Variants in RCBTB2 observed in about 807,000 individuals in gnomAD.
RCBTB2 encodes RCC1 and BTB domain containing protein 2, also known as RCC1 and BTB domain-containing protein 2.
RCBTB2 carries 55 observed loss-of-function variants against 65.4 expected under a neutral mutation model. The observed-to-expected ratio is 0.84, with a 90% CI of 0.68 to 1.05. The LOEUF is 1.05. Among genes scored for constraint, RCBTB2 ranks in the 50% least tolerant of loss-of-function variants. RCBTB2 has a pLI of 0.00. For synonymous variants in RCBTB2, 220 were observed against 255.2 expected, an observed-to-expected ratio of 0.86 and a Z score of 1.31; for missense variants, 599 against 680.1, an observed-to-expected ratio of 0.88 and a Z score of 1.33.
intron 1 of RCBTB2, among the ~76,000 whole-genome samples, chr13:48,530,019 T>C (rs755558328): frequency 1.3e-5 from 2 of 152,104 alleles, no homozygotes; most frequent in Non-Finnish European, 2.9e-5. Flanking sequence ...GCCTCCCAAG[T>C]ATCTGAAACT....
intron 12 of RCBTB2, among the ~76,000 whole-genome samples, chr13:48,501,419 G>A (rs1448256930): frequency 1.3e-5 from 2 of 152,108 alleles, no homozygotes; most frequent in Admixed American, 6.6e-5. Flanking sequence ...AGGCAGAAAC[G>A]GTAACTGATG....
rs1354540401 is a variant in RCBTB2 at position 48,515,618 on chromosome 13, T to G, written c.166A>C (p.Asn56His). Residue 56 changes from asparagine to histidine, a missense_variant, in exon 5 of 15, where the codon AAT becomes CAT. Transcript: ENST00000344532. ...TTTACTGTAGTGTATAAAACTTCAT[T>G]GCCAGCACTGCCAAAGACACAAGCC... is the stretch of plus-strand genomic sequence containing the variant. ...RQACVFGSAG[N>H]EVLYTTVNDE... 1 of 1,611,896 alleles carries G rather than the reference T, an allele frequency of 6.2e-7. No individual in the cohort carries two copies. Among genetic ancestry groups the G allele is most frequent in the Non-Finnish European group, 8.5e-7 (1 of 1,179,422 alleles).
intron 10 of RCBTB2, among the ~76,000 whole-genome samples, chr13:48,508,575 T>G (rs1950620145): frequency 6.6e-6 from 1 of 152,162 alleles, no homozygotes; most frequent in African/African-American, 2.4e-5. Flanking sequence ...AGCTAATTTT[T>G]ATATTTTTAG....
At chr13:48,493,994 A>C (rs1949864240) in intron 14 of RCBTB2, among the ~76,000 whole-genome samples, 1 of 152,198 alleles carries the variant, frequency 6.6e-6, no homozygotes, top group Non-Finnish European at 1.5e-5. Flanking sequence ...ACTGAGGACA[A>C]TGGAGAATTG....
chr13:48,508,412 G>GTTTTTTTTTTTT (rs570095675), intron 10 of RCBTB2, among the ~76,000 whole-genome samples: 12 of 143,720 alleles, frequency 8.3e-5, no homozygotes, highest in African/African-American at 3.1e-4. Context: ...ATTCATCCAT[G>GTTTTTTTTTTTT]TTTTTTTTTT....
At chr13:48,500,368 G>T (rs911447193) in intron 12 of RCBTB2, among the ~76,000 whole-genome samples, 11 of 152,110 alleles carry the variant, frequency 7.2e-5, no homozygotes, top group Non-Finnish European at 8.8e-5. Context: ...GACCAGCCTG[G>T]CCAATATGGT....
chr13:48,505,119 CCACTAGGCTGCGTGACTAG>C lies in RCBTB2; in HGVS notation c.927-2224_927-2206del, dbSNP rs571851209. On this transcript the variant is annotated intron_variant, in intron 10 of 14. Transcript: ENST00000344532. ...AAACTGGGTTTGAATCCTCGCTCTACCACTAGGCTGCGTGACTAGCACTAGGCTGCGTGACTAGGGGAAT... is the reference window on the plus strand; with the variant it reads ...AAACTGGGTTTGAATCCTCGCTCTACCACTAGGCTGCGTGACTAGGGGAAT... 4.4e-3 allele frequency among the ~76,000 whole-genome samples: 672 copies of C among 151,550 alleles called. 7 individuals carry two copies. The East Asian group carries it at 0.045, about 10-fold the overall frequency.
chr13:48,502,724 C>G lies in RCBTB2; in HGVS notation c.1117G>C (p.Glu373Gln). ...CCCAAATGGACAGTGACCAGCTTAC[C>G]CACGGAGAGGAGGCGCCACGTGACG... is the stretch of plus-strand genomic sequence containing the variant. ...PAVTWRLLSV[E>Q]PDDHLTVAES... is the part of the protein sequence containing the mutation. Residue 373 changes from glutamate to glutamine, a missense_variant and splice_region_variant, in exon 11 of 15, where the codon GAA (glutamate) becomes CAA (glutamine). Physicochemically the swap from Glu to Gln is conservative, Grantham distance 29 (BLOSUM62 2). Coordinates refer to ENST00000344532, the MANE Select transcript of RCBTB2 (RefSeq NM_001268.4). 1 of 1,608,206 alleles carries G rather than the reference C, an allele frequency of 6.2e-7. No homozygotes were observed. The highest frequency in any genetic ancestry group is 8.5e-7 in the Non-Finnish European group (1 of 1,176,216).
At chr13:48,517,659 A>T (rs2138581895) in intron 4 of RCBTB2, among the ~76,000 whole-genome samples, 1 of 152,284 alleles carries the variant, frequency 6.6e-6, no homozygotes, top group Admixed American at 6.5e-5. Context: ...TCTTGTAAAT[A>T]AAGCTTTGTT....
rs755417010 is a variant in RCBTB2, at chr13:48,490,068, G to T, written c.*43C>A. 1 of 1,607,850 alleles carries T rather than the reference G, an allele frequency of 6.2e-7. No homozygotes were observed. Among genetic ancestry groups the T allele is most frequent in the Non-Finnish European group, 8.5e-7 (1 of 1,174,798 alleles). ...GAGAAGTGATTCATCTCTGGCTTTT[G>T]CAGGGGAAATGGAAAGGCTCAAAAA... On this transcript the variant is annotated 3_prime_UTR_variant, in exon 15 of 15. Coordinates refer to ENST00000344532, the MANE Select transcript of RCBTB2 (RefSeq NM_001268.4).
chr13:48,527,361 T>TATATCATATATATATATGATATA lies in RCBTB2; in HGVS notation c.-218-2605_-218-2604insTATATCATATATATATATGATAT. Among the ~76,000 whole-genome samples the TATATCATATATATATATGATATA allele has an allele frequency of 7.6e-3, 849 of 112,378 alleles. 61 individuals are homozygous for TATATCATATATATATATGATATA. The highest frequency in any genetic ancestry group is 0.044 in the African/African-American group (796 of 18,054). The allele number at this position is 112,378 out of a possible 152,430, so 73.7% of individuals were successfully genotyped here. A position where few individuals can be genotyped will look rare whatever the true frequency, so the allele number is the denominator to read the frequency against. On this transcript the variant is annotated intron_variant, in intron 1 of 14. Transcript: ENST00000344532. ...TGATATATATATATATGATATATAT[T>TATATCATATATATATATGATATA]TATATATGATATATATATATGATAT...
chr13:48,493,313 ACACTCT>A (rs1410103805), intron 14 of RCBTB2, among the ~76,000 whole-genome samples: 3 of 60,060 alleles, frequency 5.0e-5, no homozygotes, highest in African/African-American at 1.4e-4. Context: ...ACACACACAC[ACACTCT>A]CTCTCTCTCT....
chr13:48,504,221 C>T, intron 10 of RCBTB2: 2 of 985,390 alleles, frequency 2.0e-6, no homozygotes, highest in South Asian at 4.7e-5. Flanking sequence ...TCTGCCCCAA[C>T]TCACACAGTG....
intron 4 of RCBTB2, among the ~76,000 whole-genome samples, chr13:48,521,225 A>C (rs866766296): frequency 6.6e-6 from 1 of 152,246 alleles, no homozygotes; most frequent in African/African-American, 2.4e-5. Context: ...GTAATGCTAC[A>C]GTTTAGTTTC....
At chr13:48,518,472 A>AAAAAATAT (rs1491137365) in intron 4 of RCBTB2, among the ~76,000 whole-genome samples, 53 of 116,582 alleles carry the variant, frequency 4.5e-4, no homozygotes, top group African/African-American at 2.0e-3. Context: ...AAAAAAAAAA[A>AAAAAATAT]ATATATATAT....
intron 1 of RCBTB2, among the ~76,000 whole-genome samples, chr13:48,530,012 T>C (rs1193997704): frequency 3.9e-5 from 6 of 152,006 alleles, no homozygotes; most frequent in Non-Finnish European, 8.8e-5. Flanking sequence ...CACTACAGCC[T>C]CCCAAGTATC....
intron 12 of RCBTB2, among the ~76,000 whole-genome samples, chr13:48,500,410 T>C (rs1000625884): frequency 6.6e-6 from 1 of 151,920 alleles, no homozygotes; most frequent in African/African-American, 2.4e-5. Flanking sequence ...ATACAAAAAT[T>C]AGCCAGGCAT....
Position 48,493,341 on chromosome 13 carries a change from T to TC in RCBTB2, c.1515+2849_1515+2850insG, listed in dbSNP as rs1555297879. Among the ~76,000 whole-genome samples the TC allele has an allele frequency of 3.5e-3, 193 of 55,486 alleles. 1 individual carries two copies. The highest frequency in any genetic ancestry group is 0.011 in the Middle Eastern group (1 of 94). 36.4% of individuals were successfully genotyped at this position (55,486 alleles called of 152,430 possible). A position where few individuals can be genotyped will look rare whatever the true frequency, so the allele number is the denominator to read the frequency against. On this transcript the variant is annotated intron_variant, in intron 14 of 14. Transcript: ENST00000344532. ...CTCTCTCTCTCTCTCTCTCTCTCTC[T>TC]TCTCTTCTCTCTCTCACCCTCTCTC...
At chr13:48,530,431 A>G (rs182964462) in intron 1 of RCBTB2, among the ~76,000 whole-genome samples, 184 of 152,308 alleles carry the variant, frequency 1.2e-3, no homozygotes, top group African/African-American at 4.1e-3. Flanking sequence ...AACACACTTT[A>G]CTTTCTAAAA....
Sources: allele counts gnomAD v4.1 joint callset (sites outside exome capture counted in the v4.1 genomes callset), GRCh38; gene constraint gnomAD v4.1.1; transcripts MANE v1.5; gene names NCBI Gene and HGNC (gene_info 2026-07-23, HGNC 2026-07-21).